ITPR3: variants seen among roughly 807,000 people sequenced by gnomAD.
The protein encoded by ITPR3 is inositol 1,4,5-trisphosphate-gated calcium channel ITPR3.
Under a neutral mutation model 293.2 loss-of-function variants are expected in ITPR3, and 173 were observed. That is an observed-to-expected ratio of 0.59 (90% CI 0.52 to 0.67). The LOEUF (loss-of-function observed/expected upper bound fraction) is 0.67, where lower values mean the gene tolerates loss of function less well. ITPR3 is among the 30% of genes least tolerant of loss of function. The pLI is 0.00. For missense variants in ITPR3, 2,796 were observed against 3,592.1 expected, an observed-to-expected ratio of 0.78 and a Z score of 5.66; for synonymous variants, 1,295 against 1,444.4, an observed-to-expected ratio of 0.90 and a Z score of 2.35.
intron 18 of ITPR3, among the ~76,000 whole-genome samples, chr6:33,669,464 G>T (rs542470576): frequency 1.3e-5 from 2 of 152,330 alleles, no homozygotes; most frequent in African/African-American, 4.8e-5. Flanking sequence ...AGCCATGGTG[G>T]TGCACACCTG....
intron 42 of ITPR3, 60 bp downstream of exon 42, chr6:33,686,313 T>C (rs1362360175): frequency 3.1e-6 from 5 of 1,598,312 alleles, no homozygotes; most frequent in Non-Finnish European, 4.3e-6. Flanking sequence ...TGTGGGTAGA[T>C]GGAGCCAGCT....
At chr6:33,637,829 A>G (rs1378224881) in intron 1 of ITPR3, among the ~76,000 whole-genome samples, 1 of 123,280 alleles carries the variant, frequency 8.1e-6, no homozygotes, top group Non-Finnish European at 1.8e-5. Context: ...TTTTTTTTTT[A>G]GTAGAGATGG....
chr6:33,626,806 T>G (rs1202296005), intron 1 of ITPR3, among the ~76,000 whole-genome samples: 5 of 152,168 alleles, frequency 3.3e-5, no homozygotes, highest in African/African-American at 4.8e-5. Flanking sequence ...GTCTTGGCTT[T>G]CTTTCTTTTA....
At chr6:33,680,254 G>T in intron 31 of ITPR3, 75 bp from the exon 32 acceptor site, 1 of 1,580,286 alleles carries the variant, frequency 6.3e-7, no homozygotes. Flanking sequence ...GAGGCCAGGG[G>T]ACAGGAGCAT....
rs1324269052 is a variant in ITPR3, at chr6:33,666,070, C to T, written c.1551+94C>T. The T allele has an allele frequency of 2.1e-6, 3 of 1,452,412 alleles. No homozygotes were observed. The highest frequency in any genetic ancestry group is 1.9e-6 in the Non-Finnish European group (2 of 1,072,878). 90.0% of individuals were successfully genotyped at this position (1,452,412 alleles called of 1,614,324 possible). Reference sequence around the variant, plus strand: ...GCTCATCCCCCGCTTTAACAAAAATCAGTATATATGGGGCACGACCACGTG... The same window carrying T: ...GCTCATCCCCCGCTTTAACAAAAATTAGTATATATGGGGCACGACCACGTG... On this transcript the variant is annotated intron_variant, in intron 14 of 57. Transcript: ENST00000605930. This position sits in a 1 kb window ranked among gnomAD's most constrained non-coding sequence, Gnocchi z 5.1.
chr6:33,681,071 G>T (rs923631483), intron 33 of ITPR3, among the ~76,000 whole-genome samples: 1 of 152,022 alleles, frequency 6.6e-6, no homozygotes, highest in Admixed American at 6.6e-5. Flanking sequence ...CGCCCACCTC[G>T]GCTTCCCAAA....
In ITPR3 at chr6:33,684,651, C is replaced by T. The variant is rs1480823171; in HGVS notation, c.5100C>T (p.Ser1700=). The T allele has an allele frequency of 6.2e-7, 1 of 1,614,024 alleles. No individual in the cohort carries two copies. The highest frequency in any genetic ancestry group is 8.5e-7 in the Non-Finnish European group (1 of 1,180,034). Residue 1700 remains serine, a synonymous_variant, in exon 38 of 58, where the codon TCC becomes TCT. Transcript: ENST00000605930. The surrounding 1 kb of genome is among the most constrained non-coding windows in gnomAD (Gnocchi z 4.2). ...LLQNYLQNRK[S]TSRGDLPDPI... ...AAAACTACCTCCAGAACCGGAAGTC[C>T]ACCTCGCGGGGGGACCTTCCCGACC...
rs1222708215 is a variant in ITPR3, at chr6:33,624,473, C to A, written c.89+2782C>A. Among the ~76,000 whole-genome samples the A allele has an allele frequency of 6.6e-6, 1 of 152,220 alleles. No individual in the cohort carries two copies. Among genetic ancestry groups the A allele is most frequent in the Non-Finnish European group, 1.5e-5 (1 of 68,052 alleles). ...AATGCAGAATCTCAGACCCCGTGCC[C>A]GTCCTACTGAATGAGAATCTGCATT... On this transcript the variant is annotated intron_variant, in intron 1 of 57. Transcript: ENST00000605930. This position sits in a 1 kb window ranked among gnomAD's most constrained non-coding sequence, Gnocchi z 4.7.
chr6:33,693,405 A>G, intron 55 of ITPR3, 140 bp from the exon 56 acceptor site: 1 of 782,352 alleles, frequency 1.3e-6, no homozygotes, highest in East Asian at 2.7e-5. Context: ...AGTGACCCAA[A>G]TAGCCCAGAG....
In ITPR3 at chr6:33,680,573, A is replaced by C. The variant is rs764100836; in HGVS notation, c.4369A>C (p.Lys1457Gln). 1.2e-6 allele frequency: 2 copies of C among 1,613,992 alleles called. No individual in the cohort carries two copies. Among genetic ancestry groups the C allele is most frequent in the Non-Finnish European group, 1.7e-6 (2 of 1,179,960 alleles). ...GCCTCAGGTCTGCAGCAAGCGTGAG[A>C]AGCGCGTGGCTGACCCCACCTTGGA... The part of the protein sequence containing the change: ...DMARVCSKRE[K>Q]RVADPTLEKY... Residue 1457 changes from lysine to glutamine, a missense_variant, in exon 33 of 58, where the codon AAG becomes CAG. This residue lies in a region of ITPR3 where 344 missense variants were observed against 460.3 expected (regional missense o/e 0.75). Coordinates refer to ENST00000605930, the MANE Select transcript of ITPR3 (RefSeq NM_002224.4).
rs763063844 is a variant in ITPR3, at chr6:33,677,658, C to T, written c.3648+29C>T. ...GCTCTGACTTCTGACCTCTGACTCCCCAGGGTGGCTTCCCCCTGAACCCCG... is the reference window on the plus strand; with the variant it reads ...GCTCTGACTTCTGACCTCTGACTCCTCAGGGTGGCTTCCCCCTGAACCCCG... On this transcript the variant is annotated intron_variant, in intron 28 of 57. Coordinates refer to ENST00000605930, the MANE Select transcript of ITPR3 (RefSeq NM_002224.4). 12 of 1,609,166 alleles carry T rather than the reference C, an allele frequency of 7.5e-6. No homozygotes were observed. The Admixed American group carries it at 1.3e-4, about 18-fold the overall frequency.
chr6:33,631,660 C>T (rs1271419128), intron 1 of ITPR3, among the ~76,000 whole-genome samples: 5 of 152,180 alleles, frequency 3.3e-5, no homozygotes, highest in Admixed American at 6.5e-5. Context: ...GATGACTGCG[C>T]GCAGGCCTGG....
At position 33,655,168 on chromosome 6, in the gene ITPR3, T is replaced by C. The variant is rs1461545957; in HGVS notation, c.161-598T>C. On this transcript the variant is annotated intron_variant, in intron 2 of 57. Coordinates refer to ENST00000605930, the MANE Select transcript of ITPR3 (RefSeq NM_002224.4). The surrounding 1 kb of genome is among the most constrained non-coding windows in gnomAD (Gnocchi z 4.9). ...CACAGTGAGGGAGCCTCTTCCTCTT[T>C]GTATAGGGCAGGAGAAGAAGCTGAG... Among the ~76,000 whole-genome samples the C allele has an allele frequency of 6.6e-6, 1 of 152,158 alleles. No individual in the cohort carries two copies. The highest frequency in any genetic ancestry group is 2.4e-5 in the African/African-American group (1 of 41,440).
Position 33,676,753 on chromosome 6 carries a change from A to G in ITPR3, c.3283-15A>G, listed in dbSNP as rs113685946. 1.4e-3 allele frequency: 2,270 copies of G among 1,613,780 alleles called. 28 individuals carry two copies. In the African/African-American group the frequency reaches 0.026, roughly 18 times the overall value. On this transcript the variant is annotated splice_polypyrimidine_tract_variant and intron_variant, in intron 25 of 57. Coordinates refer to ENST00000605930, the MANE Select transcript of ITPR3 (RefSeq NM_002224.4). ...GGAGCCCATCTCACCAGCCAGGCCC[A>G]TCCTCCACCTTCAGGTTCAGCTGCT...
Position 33,675,738 on chromosome 6 carries a change from TC to T in ITPR3, c.3166del (p.Leu1056CysfsTer43), listed in dbSNP as rs768641513. 1.9e-6 allele frequency: 3 copies of T among 1,612,830 alleles called. No homozygotes were observed. The South Asian group carries it at 3.3e-5, about 18-fold the overall frequency. On this transcript the variant is annotated frameshift_variant, in exon 25 of 58. Transcript: ENST00000605930. LOFTEE classifies it high-confidence loss of function. The surrounding 1 kb of genome is among the most constrained non-coding windows in gnomAD (Gnocchi z 5.0). ...LEVDDEGGRM[F>X]LRVLIHLTMH... The stretch of plus-strand genomic sequence containing the variant: ...GTGGATGACGAGGGCGGCCGCATGT[TC>T]CTGCGCGTGCTCATCCACCTCACCA...
In ITPR3 at chr6:33,654,377, G is replaced by A. The variant is rs1764259674; in HGVS notation, c.161-1389G>A. Among the ~76,000 whole-genome samples the A allele has an allele frequency of 6.6e-6, 1 of 152,192 alleles. No individual in the cohort carries two copies. The highest frequency in any genetic ancestry group is 1.5e-5 in the Non-Finnish European group (1 of 68,042). ...ATGCTGGCAATGCTGAGGGGCCTAG[G>A]TGGGGCAGCCCTTGGTGGCTCCATC... On this transcript the variant is annotated intron_variant, in intron 2 of 57. Transcript: ENST00000605930. The surrounding 1 kb of genome is among the most constrained non-coding windows in gnomAD (Gnocchi z 4.1).
rs1166368894 is a variant in ITPR3, at chr6:33,665,840, T to A, written c.1415T>A (p.Val472Asp). 3 of 1,613,944 alleles carry A rather than the reference T, an allele frequency of 1.9e-6. No individual in the cohort carries two copies. In the African/African-American group the frequency reaches 4.0e-5, roughly 22 times the overall value. ...GFISQNDRRF[V>D]IQLLEDLVFF... ...CCCCGGGTCCCCTCACCCAGGTTTG[T>A]CATCCAGCTGCTGGAAGACCTGGTG... The change falls in exon 14 of 58, where the codon GTC (valine) becomes GAC (aspartate). Residue 472 changes from valine (V) to aspartate (D), a missense_variant. Physicochemically the swap from Val to Asp is radical, Grantham distance 152. Coordinates refer to ENST00000605930, the MANE Select transcript of ITPR3 (RefSeq NM_002224.4).
rs995061957 is a variant in ITPR3 at position 33,655,145 on chromosome 6, C to T, written c.161-621C>T. Reference sequence around the variant, plus strand: ...TCTTGAGGAAGTTCTCAGGAGAACACAGTGAGGGAGCCTCTTCCTCTTTGT... The same window carrying T: ...TCTTGAGGAAGTTCTCAGGAGAACATAGTGAGGGAGCCTCTTCCTCTTTGT... On this transcript the variant is annotated intron_variant, in intron 2 of 57. Transcript: ENST00000605930. This position sits in a 1 kb window ranked among gnomAD's most constrained non-coding sequence, Gnocchi z 4.9. 6.6e-6 allele frequency among the ~76,000 whole-genome samples: 1 copy of T among 152,328 alleles called. No homozygotes were observed. Among genetic ancestry groups the T allele is most frequent in the African/African-American group, 2.4e-5 (1 of 41,570 alleles).
In ITPR3 at chr6:33,692,688, G is replaced by A; in HGVS notation, c.7459-40G>A. The A allele has an allele frequency of 1.2e-6, 2 of 1,604,330 alleles. No individual in the cohort carries two copies. Reference sequence around the variant, plus strand: ...GTCCTATCTTGCCCCAGTGAATGTGGGGACCACCGGGCCCAGCCTCCCTGC... The same window carrying A: ...GTCCTATCTTGCCCCAGTGAATGTGAGGACCACCGGGCCCAGCCTCCCTGC... On this transcript the variant is annotated intron_variant, in intron 54 of 57. Transcript: ENST00000605930. This position sits in a 1 kb window ranked among gnomAD's most constrained non-coding sequence, Gnocchi z 4.2.
Sources: gnomAD v4.1 joint callset for allele counts (sites outside exome capture counted in the v4.1 genomes callset) on GRCh38, gnomAD v4.1.1 for gene constraint, gnomAD v4.1.1 regional missense constraint, Gnocchi (gnomAD v3.1) non-coding constraint, MANE v1.5 for transcripts, NCBI Gene and HGNC (gene_info 2026-07-23, HGNC 2026-07-21) for gene names.